CCDC85A: variants seen among roughly 807,000 people sequenced by gnomAD.
CCDC85A encodes the protein coiled-coil domain containing 85A.
Under a neutral mutation model 50.2 loss-of-function variants are expected in CCDC85A, and 38 were observed. The observed-to-expected ratio is 0.76, with a 90% CI of 0.58 to 0.99. The LOEUF (loss-of-function observed/expected upper bound fraction) is 0.99, where lower values mean the gene tolerates loss of function less well. Ranked by LOEUF, CCDC85A falls within the 50% of genes least tolerant of loss-of-function variation. The pLI is 0.00. For synonymous variants in CCDC85A, 366 were observed against 301.4 expected, an observed-to-expected ratio of 1.21 and a Z score of -2.22; for missense variants, 820 against 742.0, an observed-to-expected ratio of 1.11 and a Z score of -1.22.
intron 2 of CCDC85A, among the ~76,000 whole-genome samples, chr2:56,199,230 A>G (rs574074653): frequency 6.6e-6 from 1 of 152,226 alleles, no homozygotes; most frequent in East Asian, 1.9e-4. Context: ...ATACAAATGC[A>G]TAAGTACATG....
intron 2 of CCDC85A, among the ~76,000 whole-genome samples, chr2:56,302,021 C>T (rs150215742): frequency 0.013 from 1,955 of 151,964 alleles, 48 homozygotes; most frequent in African/African-American, 0.045. Flanking sequence ...TTTGGGAGGC[C>T]GAGGCAGGTG....
At chr2:56,337,614 A>G (rs1674139014) in intron 2 of CCDC85A, among the ~76,000 whole-genome samples, 1 of 152,062 alleles carries the variant, frequency 6.6e-6, no homozygotes, top group Admixed American at 6.5e-5. Flanking sequence ...TCAAAATTCT[A>G]TTGATGCATT....
At chr2:56,256,567 A>G (rs566451062) in intron 2 of CCDC85A, among the ~76,000 whole-genome samples, 12 of 152,370 alleles carry the variant, frequency 7.9e-5, no homozygotes, top group Non-Finnish European at 1.3e-4. Flanking sequence ...TTAATTCGCA[A>G]CTCAGATATT....
intron 2 of CCDC85A, among the ~76,000 whole-genome samples, chr2:56,309,574 T>C (rs1286799092): frequency 1.3e-5 from 2 of 152,148 alleles, no homozygotes; most frequent in Non-Finnish European, 2.9e-5. Context: ...AAATAAAGTT[T>C]GGGGCAGTTG....
chr2:56,327,567 T>A (rs1673538740), intron 2 of CCDC85A, among the ~76,000 whole-genome samples: 1 of 152,188 alleles, frequency 6.6e-6, no homozygotes, highest in African/African-American at 2.4e-5. Flanking sequence ...ATTTAAAACA[T>A]TTTTAAGCTG....
intron 2 of CCDC85A, among the ~76,000 whole-genome samples, chr2:56,312,422 A>C (rs1333668793): frequency 6.6e-6 from 1 of 152,162 alleles, no homozygotes; most frequent in East Asian, 1.9e-4. Context: ...TGTATAATGT[A>C]ATAAAGTTGT....
chr2:56,272,442 A>T (rs550778083), intron 2 of CCDC85A, among the ~76,000 whole-genome samples: 1 of 152,318 alleles, frequency 6.6e-6, no homozygotes, highest in East Asian at 1.9e-4. Context: ...CAGAAGGGTC[A>T]TAGGAGCAGT....
At chr2:56,325,506 A>G (rs1396190876) in intron 2 of CCDC85A, among the ~76,000 whole-genome samples, 1 of 152,126 alleles carries the variant, frequency 6.6e-6, no homozygotes, top group African/African-American at 2.4e-5. Flanking sequence ...CATACATCAA[A>G]TTATCTTTTG....
At chr2:56,304,896 T>TAA (rs201973733) in intron 2 of CCDC85A, among the ~76,000 whole-genome samples, 8 of 124,864 alleles carry the variant, frequency 6.4e-5, no homozygotes, top group African/African-American at 2.4e-4. Flanking sequence ...TAAATATAAC[T>TAA]AAAAAAAACA....
chr2:56,214,502 G>A (rs918362764), intron 2 of CCDC85A, among the ~76,000 whole-genome samples: 4 of 151,892 alleles, frequency 2.6e-5, no homozygotes, highest in East Asian at 3.9e-4. Context: ...TGCAGTGTAC[G>A]TTTAGGTATC....
intron 1 of CCDC85A, among the ~76,000 whole-genome samples, chr2:56,190,096 G>T (rs1185625169): frequency 2.0e-5 from 3 of 152,230 alleles, no homozygotes; most frequent in African/African-American, 4.8e-5. Context: ...TGGTTGACAG[G>T]TGTTTTATAA....
At chr2:56,246,169 C>G (rs1034169717) in intron 2 of CCDC85A, among the ~76,000 whole-genome samples, 2 of 152,152 alleles carry the variant, frequency 1.3e-5, no homozygotes, top group Non-Finnish European at 1.5e-5. Context: ...GGTGATCCAC[C>G]TGCCTCAGCC....
chr2:56,216,562 G>T (rs1677402275), intron 2 of CCDC85A, among the ~76,000 whole-genome samples: 1 of 151,402 alleles, frequency 6.6e-6, no homozygotes, highest in South Asian at 2.1e-4. Flanking sequence ...TATGTTTGTT[G>T]TCTTTTTTTC....
At chr2:56,207,820 T>C (rs1412071730) in intron 2 of CCDC85A, among the ~76,000 whole-genome samples, 1 of 152,174 alleles carries the variant, frequency 6.6e-6, no homozygotes, top group Non-Finnish European at 1.5e-5. Flanking sequence ...GAGGTGCTGA[T>C]AATATTGAAT....
At chr2:56,277,299 C>A (rs1670995381) in intron 2 of CCDC85A, among the ~76,000 whole-genome samples, 1 of 152,080 alleles carries the variant, frequency 6.6e-6, no homozygotes, top group Non-Finnish European at 1.5e-5. Flanking sequence ...CATGATTAAG[C>A]CATTCAGAAC....
At chr2:56,348,249 C>G (rs1359256701) in intron 3 of CCDC85A, among the ~76,000 whole-genome samples, 1 of 152,150 alleles carries the variant, frequency 6.6e-6, no homozygotes, top group African/African-American at 2.4e-5. Context: ...ATTCGTTGTG[C>G]TCAGAGACCC....
chr2:56,184,729 C>T lies in CCDC85A; in HGVS notation c.105C>T (p.Asp35=). Residue 35 remains aspartate (D), a synonymous_variant, in exon 1 of 6, where the codon GAC becomes GAT. Coordinates refer to ENST00000407595, the MANE Select transcript of CCDC85A (RefSeq NM_001080433.2). Reference sequence around the variant, plus strand: ...CGGCCCCGCCCGCGCCGGTGGAGGACCTGTCCAAAGTGTCGGACGAGGAGC... The same window carrying T: ...CGGCCCCGCCCGCGCCGGTGGAGGATCTGTCCAAAGTGTCGGACGAGGAGC... ...SSAAPPAPVE[D]LSKVSDEELL... is the part of the protein sequence containing the mutation. The T allele has an allele frequency of 1.3e-6, 2 of 1,539,720 alleles. No homozygotes were observed. Among genetic ancestry groups the T allele is most frequent in the East Asian group, 5.0e-5 (2 of 39,970 alleles).
chr2:56,269,325 C>T (rs1459879849), intron 2 of CCDC85A, among the ~76,000 whole-genome samples: 1 of 105,188 alleles, frequency 9.5e-6, no homozygotes, highest in Non-Finnish European at 2.0e-5. Flanking sequence ...TACCATACTC[C>T]TTGGCAAGGG....
chr2:56,272,969 A>G (rs1232052152), intron 2 of CCDC85A, among the ~76,000 whole-genome samples: 1 of 152,204 alleles, frequency 6.6e-6, no homozygotes, highest in Non-Finnish European at 1.5e-5. Context: ...AAGTGAAGCC[A>G]AGAATAAGTT....
Sources: gnomAD v4.1 joint callset for allele counts (sites outside exome capture counted in the v4.1 genomes callset) on GRCh38, gnomAD v4.1.1 for gene constraint, MANE v1.5 for transcripts, NCBI Gene and HGNC (gene_info 2026-07-23, HGNC 2026-07-21) for gene names.